INSR: variants seen among roughly 807,000 people sequenced by gnomAD.
INSR encodes IR.
A neutral mutation model predicts 142.6 loss-of-function variants in INSR; 67 were observed. The ratio of observed to expected loss-of-function variants is 0.47; its 90% CI spans 0.39 to 0.58. INSR has a LOEUF of 0.58. Among genes scored for constraint, INSR ranks in the 20% least tolerant of loss-of-function variants. The pLI is 0.00. For synonymous variants in INSR, 756 were observed against 743.1 expected (o/e 1.02, Z -0.28); for missense variants, 1,248 against 1,833.2 (o/e 0.68, Z 5.83).
chr19:7,255,831 G>A (rs544442692), intron 2 of INSR, among the ~76,000 whole-genome samples: 7 of 151,806 alleles, frequency 4.6e-5, no homozygotes, highest in South Asian at 2.1e-4. Flanking sequence ...CTCCTGCCTC[G>A]GCCTCCCAAA....
intron 6 of INSR, among the ~76,000 whole-genome samples, chr19:7,170,039 T>C (rs887680951): frequency 1.3e-5 from 2 of 152,100 alleles, no homozygotes; most frequent in Non-Finnish European, 2.9e-5. Flanking sequence ...CCAGTACTTA[T>C]CCATGGCCTG....
At chr19:7,149,028 C>G (rs1395038306) in intron 11 of INSR, among the ~76,000 whole-genome samples, 2 of 152,182 alleles carry the variant, frequency 1.3e-5, no homozygotes, top group Admixed American at 1.3e-4. Context: ...CTCCTGGCCT[C>G]AAGTGATTGC....
chr19:7,196,557 A>T (rs1974753079), intron 2 of INSR, among the ~76,000 whole-genome samples: 1 of 152,196 alleles, frequency 6.6e-6, no homozygotes, highest in East Asian at 1.9e-4. Context: ...AGTCACTCTG[A>T]CACTTTTTTG....
chr19:7,198,898 TTGG>T (rs769829769), intron 2 of INSR, among the ~76,000 whole-genome samples: 56 of 149,474 alleles, frequency 3.7e-4, no homozygotes, highest in Middle Eastern at 3.4e-3. Flanking sequence ...TACACTTTTT[TTGG>T]GGGGGGGGTC....
rs1351335902 is a variant in INSR at position 7,153,050 on chromosome 19, C to A, written c.2030-123G>T. The A allele has an allele frequency of 2.6e-5, 10 of 386,002 alleles. 1 individual carries two copies. The highest frequency in any genetic ancestry group is 5.3e-5 in the Admixed American group (1 of 19,034). 23.9% of individuals were successfully genotyped at this position (386,002 alleles called of 1,614,324 possible). The stretch of plus-strand genomic sequence containing the variant: ...ACCACACACACACACACCACACACC[C>A]CCCCACACACACACACCACACACAT... On this transcript the variant is annotated intron_variant, in intron 9 of 21. Coordinates refer to ENST00000302850, the MANE Select transcript of INSR (RefSeq NM_000208.4).
In INSR at chr19:7,196,177, C is replaced by T. The variant is rs190857125; in HGVS notation, c.653-11540G>A. Among the ~76,000 whole-genome samples the T allele has an allele frequency of 2.0e-3, 304 of 152,120 alleles. 1 individual carries two copies. Among genetic ancestry groups the T allele is most frequent in the African/African-American group, 6.9e-3 (288 of 41,508 alleles). ...CTCGAACTCCTGACCTCAGGTGATC[C>T]GCCCGCCTCAGCTTCCCAAAGTGCT... On this transcript the variant is annotated intron_variant, in intron 2 of 21. Transcript: ENST00000302850.
intron 1 of INSR, among the ~76,000 whole-genome samples, chr19:7,270,923 G>A (rs777955958): frequency 9.9e-5 from 15 of 151,930 alleles, no homozygotes; most frequent in African/African-American, 1.9e-4. Context: ...TTAGCCAGGC[G>A]TGGTGGCGGG....
intron 1 of INSR, among the ~76,000 whole-genome samples, chr19:7,291,186 C>A (rs971150311): frequency 6.6e-6 from 1 of 152,214 alleles, no homozygotes; most frequent in African/African-American, 2.4e-5. Context: ...ATTTTGTTCA[C>A]CATCACCCCA....
chr19:7,279,861 G>A (rs1016521210), intron 1 of INSR, among the ~76,000 whole-genome samples: 2 of 151,842 alleles, frequency 1.3e-5, no homozygotes, highest in Admixed American at 1.3e-4. Flanking sequence ...TGTAGTCCCA[G>A]CTACTCGGGA....
chr19:7,283,263 T>A, intron 1 of INSR, among the ~76,000 whole-genome samples: 1 of 152,118 alleles, frequency 6.6e-6, no homozygotes, highest in Non-Finnish European at 1.5e-5. Flanking sequence ...CTGCCACCAG[T>A]GTTGGCAGAG....
At chr19:7,288,418 A>G (rs1968401570) in intron 1 of INSR, among the ~76,000 whole-genome samples, 1 of 151,800 alleles carries the variant, frequency 6.6e-6, no homozygotes, top group African/African-American at 2.4e-5. Context: ...CAGGAGGCTC[A>G]CTTGAGGCCA....
chr19:7,217,562 C>A (rs1265305254), intron 2 of INSR, among the ~76,000 whole-genome samples: 3 of 152,116 alleles, frequency 2.0e-5, no homozygotes, highest in Non-Finnish European at 4.4e-5. Context: ...TATCTTTTTT[C>A]TTTTTTTCTT....
At chr19:7,161,773 G>A (rs1205051019) in intron 9 of INSR, among the ~76,000 whole-genome samples, 2 of 152,144 alleles carry the variant, frequency 1.3e-5, no homozygotes, top group East Asian at 1.9e-4. Flanking sequence ...GGCAGGGAGG[G>A]AGAAAGAAGG....
rs867432451 is a variant in INSR at position 7,265,650 on chromosome 19, G to T, written c.652+1695C>A. On this transcript the variant is annotated intron_variant, in intron 2 of 21. Transcript: ENST00000302850. ...CTTGGGAGGCTGGGGCAGGAGAACC[G>T]CTTGAACCCGGGAGGCAGAGGTTGC... Among the ~76,000 whole-genome samples, 59 of 151,250 alleles carry T rather than the reference G, an allele frequency of 3.9e-4. No individual in the cohort carries two copies. In the Middle Eastern group the frequency reaches 0.01, roughly 27 times the overall value.
intron 13 of INSR, among the ~76,000 whole-genome samples, chr19:7,134,647 C>T (rs1972863651): frequency 6.6e-6 from 1 of 151,472 alleles, no homozygotes; most frequent in African/African-American, 2.4e-5. Flanking sequence ...CGCCTGTAAT[C>T]CCAGCTACTC....
intron 11 of INSR, 26 bp from the exon 12 acceptor site, chr19:7,143,116 A>G: frequency 6.2e-7 from 1 of 1,613,446 alleles, no homozygotes; most frequent in Non-Finnish European, 8.5e-7. Context: ...GACATGTATG[A>G]TGACACCATC....
chr19:7,231,313 T>G (rs1445615956), intron 2 of INSR, among the ~76,000 whole-genome samples: 3 of 150,440 alleles, frequency 2.0e-5, no homozygotes, highest in South Asian at 2.1e-4. Flanking sequence ...TTTTTTTTTT[T>G]TTTTTGAGAT....
At chr19:7,142,697 A>T in intron 12 of INSR, 119 bp downstream of exon 12, 2 of 1,294,812 alleles carry the variant, frequency 1.5e-6, no homozygotes, top group Non-Finnish European at 2.2e-6. Context: ...CGTCTCAAAC[A>T]AAAATGAAGG....
rs1447228586 is a variant in INSR at position 7,119,819 on chromosome 19, TACACACACAA to T, written c.3660-246_3660-237del. On this transcript the variant is annotated intron_variant, in intron 20 of 21. Coordinates refer to ENST00000302850, the MANE Select transcript of INSR (RefSeq NM_000208.4). This position sits in a 1 kb window ranked among gnomAD's most constrained non-coding sequence, Gnocchi z 5.2. ...AAATATGCAAACACACAAACACATA[TACACACACAA>T]ACACACACACCCAAACACACACACG... 8.0e-5 allele frequency among the ~76,000 whole-genome samples: 7 copies of T among 87,210 alleles called. No homozygotes were observed. The highest frequency in any genetic ancestry group is 3.6e-4 in the South Asian group (1 of 2,804). 57.2% of individuals were successfully genotyped at this position (87,210 alleles called of 152,430 possible).
Sources: gnomAD v4.1 joint callset for allele counts (sites outside exome capture counted in the v4.1 genomes callset) on GRCh38, gnomAD v4.1.1 for gene constraint, Gnocchi (gnomAD v3.1) non-coding constraint, MANE v1.5 for transcripts, NCBI Gene and HGNC (gene_info 2026-07-23, HGNC 2026-07-21) for gene names.